Variants in ZC3H11C observed in about 807,000 individuals in gnomAD.
The protein encoded by ZC3H11C is zinc finger CCCH-type containing 11C.
At chr6:65,301,929 A>C in the ZC3H11C span, among the ~76,000 whole-genome samples, 4 of 152,266 alleles carry the variant, frequency 2.6e-5, no homozygotes, top group African/African-American at 7.2e-5. Context: ...TGCCCAAAAA[A>C]TTCCTGGAAA....
At chr6:65,305,651 T>G in the ZC3H11C span, among the ~76,000 whole-genome samples, 1 of 152,202 alleles carries the variant, frequency 6.6e-6, no homozygotes, top group Non-Finnish European at 1.5e-5. Flanking sequence ...GAAACTAATT[T>G]TCTATTTCTG....
At chr6:65,301,771 C>G in the ZC3H11C span, among the ~76,000 whole-genome samples, 1 of 152,238 alleles carries the variant, frequency 6.6e-6, no homozygotes, top group African/African-American at 2.4e-5. Context: ...TAATGACGAA[C>G]ACCCCTAAAC....
the ZC3H11C span, among the ~76,000 whole-genome samples, chr6:65,302,120 A>C: frequency 6.6e-6 from 1 of 152,140 alleles, no homozygotes; most frequent in African/African-American, 2.4e-5. Flanking sequence ...GTTTTTGAGG[A>C]GATAACTAAC....
the ZC3H11C span, chr6:65,304,206 TGA>T: frequency 3.2e-6 from 2 of 619,142 alleles, no homozygotes; most frequent in Admixed American, 2.5e-5. Context: ...TGTGAGATCA[TGA>T]GAGAGACGCG....
chr6:65,302,357 G>A, the ZC3H11C span, among the ~76,000 whole-genome samples: 5 of 152,202 alleles, frequency 3.3e-5, no homozygotes, highest in Non-Finnish European at 5.9e-5. Context: ...AGACGTTCCT[G>A]TTGAGAGCAA....
At chr6:65,305,304 C>T in the ZC3H11C span, among the ~76,000 whole-genome samples, 1 of 152,108 alleles carries the variant, frequency 6.6e-6, no homozygotes, top group African/African-American at 2.4e-5. Context: ...CTTTTTTCTC[C>T]TTTGTTGTAT....
chr6:65,305,734 T>C, the ZC3H11C span, among the ~76,000 whole-genome samples: 1 of 152,258 alleles, frequency 6.6e-6, no homozygotes, highest in Non-Finnish European at 1.5e-5. Flanking sequence ...AAATTGTCCC[T>C]TTTCTTCTTC....
chr6:65,301,819 T>C, the ZC3H11C span, among the ~76,000 whole-genome samples: 3 of 152,180 alleles, frequency 2.0e-5, no homozygotes, highest in Non-Finnish European at 4.4e-5. Context: ...GGAAGGCCTA[T>C]ACTGTTGACA....
the ZC3H11C span, among the ~76,000 whole-genome samples, chr6:65,301,639 G>A: frequency 7.9e-5 from 12 of 152,356 alleles, no homozygotes; most frequent in Non-Finnish European, 1.6e-4. Flanking sequence ...GAAAGCCACC[G>A]ACCTTATTCC....
chr6:65,302,373 T>G, the ZC3H11C span: 1 of 684,330 alleles, frequency 1.5e-6, no homozygotes, highest in Admixed American at 2.4e-5. Context: ...AGCAATCAGC[T>G]AATGATTACA....
the ZC3H11C span, among the ~76,000 whole-genome samples, chr6:65,302,275 A>G: frequency 1.3e-5 from 2 of 152,292 alleles, no homozygotes; most frequent in Admixed American, 6.5e-5. Context: ...TTTCTGCTTC[A>G]TTATTATTAA....
the ZC3H11C span, among the ~76,000 whole-genome samples, chr6:65,305,290 T>G: frequency 6.6e-6 from 1 of 152,214 alleles, no homozygotes; most frequent in Non-Finnish European, 1.5e-5. Context: ...TTTGTCAGTT[T>G]TGGCTTTTTT....
At chr6:65,302,625 CTGTT>C in the ZC3H11C span, 7 of 1,197,840 alleles carry the variant, frequency 5.8e-6, no homozygotes, top group South Asian at 1.2e-5. Context: ...GGCAATGAAA[CTGTT>C]TGCACATTAT....
chr6:65,306,202 C>T, the ZC3H11C span, among the ~76,000 whole-genome samples: 1 of 152,188 alleles, frequency 6.6e-6, no homozygotes, highest in Non-Finnish European at 1.5e-5. Context: ...ATCTGACCCC[C>T]ACCTGTCATG....
chr6:65,302,446 T>G, the ZC3H11C span: 2 of 633,522 alleles, frequency 3.2e-6, no homozygotes, highest in South Asian at 3.9e-5. Context: ...TCACGAGGAC[T>G]TGGAGCCTGG....
the ZC3H11C span, among the ~76,000 whole-genome samples, chr6:65,305,184 G>A: frequency 8.6e-5 from 13 of 151,252 alleles, no homozygotes; most frequent in African/African-American, 1.5e-4. Flanking sequence ...CATCTTTTGA[G>A]AAAAAAGTTC....
At chr6:65,305,335 G>A in the ZC3H11C span, among the ~76,000 whole-genome samples, 2 of 152,200 alleles carry the variant, frequency 1.3e-5, no homozygotes, top group African/African-American at 4.8e-5. Flanking sequence ...TTGTCTTGAT[G>A]TACTTAATAT....
chr6:65,306,343 T>C, the ZC3H11C span, among the ~76,000 whole-genome samples: 1 of 152,154 alleles, frequency 6.6e-6, no homozygotes, highest in African/African-American at 2.4e-5. Context: ...GGGATGATTC[T>C]GCACAAGCAA....
the ZC3H11C span, among the ~76,000 whole-genome samples, chr6:65,301,616 A>G: frequency 1.3e-5 from 2 of 152,230 alleles, no homozygotes; most frequent in African/African-American, 4.8e-5. Context: ...GCTTGTCTCA[A>G]ACTCCACATA....
Sources: gnomAD v4.1 joint callset for allele counts (sites outside exome capture counted in the v4.1 genomes callset) on GRCh38, gnomAD v4.1.1 for gene constraint, MANE v1.5 for transcripts, NCBI Gene and HGNC (gene_info 2026-07-23, HGNC 2026-07-21) for gene names.